Variants in RASGEF1C observed in about 807,000 individuals in gnomAD.
The protein encoded by RASGEF1C is RasGEF domain family member 1C.
Under a neutral mutation model 58.1 loss-of-function variants are expected in RASGEF1C, and 27 were observed. That is an observed-to-expected ratio of 0.46 (90% CI 0.34 to 0.64). RASGEF1C has a LOEUF of 0.64. RASGEF1C is among the 30% of genes least tolerant of loss of function. The pLI, the probability that RASGEF1C is intolerant of heterozygous loss-of-function variation, is 0.01. For synonymous variants in RASGEF1C, 243 were observed against 246.3 expected, an observed-to-expected ratio of 0.99 and a Z score of 0.13; for missense variants, 502 against 605.1, an observed-to-expected ratio of 0.83 and a Z score of 1.79.
intron 1 of RASGEF1C, among the ~76,000 whole-genome samples, chr5:180,139,409 TCTG>T (rs372872088): frequency 3.9e-4 from 59 of 152,270 alleles, no homozygotes; most frequent in African/African-American, 1.3e-3. Context: ...TTTGCAGCAC[TCTG>T]AGTGACCCTG....
chr5:180,128,977 C>T (rs1182994077), intron 4 of RASGEF1C, among the ~76,000 whole-genome samples: 1 of 152,232 alleles, frequency 6.6e-6, no homozygotes, highest in African/African-American at 2.4e-5. Context: ...AGGCGGGAGA[C>T]ATGGCATGGG....
rs753788352 is a variant in RASGEF1C, at chr5:180,177,117, G to A, written c.-7+31911C>T. Reference sequence around the variant, plus strand: ...GCATGGAGGAGGACCAGGGTGAGAGGTGAGACTCTCAGAGCCTGACGGAGG... The same window carrying A: ...GCATGGAGGAGGACCAGGGTGAGAGATGAGACTCTCAGAGCCTGACGGAGG... On this transcript the variant is annotated intron_variant, in intron 1 of 13. Coordinates refer to ENST00000361132, the MANE Select transcript of RASGEF1C (RefSeq NM_175062.4). This position sits in a 1 kb window ranked among gnomAD's most constrained non-coding sequence, Gnocchi z 5.0. 2.6e-5 allele frequency among the ~76,000 whole-genome samples: 4 copies of A among 152,178 alleles called. No homozygotes were observed. Among genetic ancestry groups the A allele is most frequent in the African/African-American group, 4.8e-5 (2 of 41,458 alleles).
intron 1 of RASGEF1C, among the ~76,000 whole-genome samples, chr5:180,139,767 C>T (rs1367990468): frequency 6.6e-6 from 1 of 152,202 alleles, no homozygotes; most frequent in African/African-American, 2.4e-5. Flanking sequence ...GGGACAGCTG[C>T]GGGATGGGCC....
At chr5:180,204,677 C>T (rs1756459752) in intron 1 of RASGEF1C, among the ~76,000 whole-genome samples, 1 of 151,378 alleles carries the variant, frequency 6.6e-6, no homozygotes, top group African/African-American at 2.4e-5. Flanking sequence ...CTATCTCTTC[C>T]CATCCTAAAG....
intron 1 of RASGEF1C, among the ~76,000 whole-genome samples, chr5:180,203,560 G>A (rs1756436128): frequency 6.6e-6 from 1 of 152,202 alleles, no homozygotes; most frequent in Non-Finnish European, 1.5e-5. Context: ...ACCTAGTGCT[G>A]GCCACCAGCA....
intron 1 of RASGEF1C, among the ~76,000 whole-genome samples, chr5:180,179,027 G>A (rs1009686059): frequency 1.3e-5 from 2 of 152,100 alleles, no homozygotes; most frequent in African/African-American, 2.4e-5. Flanking sequence ...GGGAGGAGGC[G>A]GGTTTATGAC....
At chr5:180,204,008 A>AAACAAAC (rs1554116623) in intron 1 of RASGEF1C, among the ~76,000 whole-genome samples, 2 of 140,840 alleles carry the variant, frequency 1.4e-5, no homozygotes, top group African/African-American at 5.1e-5. Context: ...ACAAACAAAC[A>AAACAAAC]AACAACAACA....
At chr5:180,132,314 C>G (rs116268371) in intron 4 of RASGEF1C, among the ~76,000 whole-genome samples, 1 of 152,230 alleles carries the variant, frequency 6.6e-6, no homozygotes, top group Non-Finnish European at 1.5e-5. Context: ...GGTGTGAATG[C>G]GGAGTCGTCC....
At chr5:180,124,642 T>C (rs1403902338) in intron 6 of RASGEF1C, among the ~76,000 whole-genome samples, 1 of 150,962 alleles carries the variant, frequency 6.6e-6, no homozygotes, top group Non-Finnish European at 1.5e-5. Flanking sequence ...CTGACCAACA[T>C]GGTGAAATCC....
At chr5:180,202,539 C>CA (rs1011257317) in intron 1 of RASGEF1C, among the ~76,000 whole-genome samples, 30 of 152,130 alleles carry the variant, frequency 2.0e-4, no homozygotes, top group Non-Finnish European at 8.8e-5. Context: ...ATGTTTATAT[C>CA]AGACATCTTG....
At chr5:180,111,317 T>A in intron 12 of RASGEF1C, 140 bp downstream of exon 12, 1 of 1,131,614 alleles carries the variant, frequency 8.8e-7, no homozygotes, top group Non-Finnish European at 1.3e-6. Context: ...GATGGAGCCC[T>A]CCTTGTTCCC....
chr5:180,198,967 G>A lies in RASGEF1C; in HGVS notation c.-7+10061C>T, dbSNP rs1025804709. On this transcript the variant is annotated intron_variant, in intron 1 of 13. Coordinates refer to ENST00000361132, the MANE Select transcript of RASGEF1C (RefSeq NM_175062.4). The surrounding 1 kb of genome is among the most constrained non-coding windows in gnomAD (Gnocchi z 4.5). ...AAGCCCCCAGGAAGGACTCCCAGAG[G>A]GTAGAAGGGAAACTGAGGCAGGAGC... Among the ~76,000 whole-genome samples the A allele has an allele frequency of 6.6e-6, 1 of 152,048 alleles. No homozygotes were observed. The highest frequency in any genetic ancestry group is 2.4e-5 in the African/African-American group (1 of 41,398).
At chr5:180,200,000 G>A (rs1440224003) in intron 1 of RASGEF1C, among the ~76,000 whole-genome samples, 1 of 152,114 alleles carries the variant, frequency 6.6e-6, no homozygotes, top group Non-Finnish European at 1.5e-5. Flanking sequence ...GGTGGCTCAC[G>A]CCTGTAATCT....
At chr5:180,111,338 A>G in intron 12 of RASGEF1C, 119 bp downstream of exon 12, 1 of 1,360,424 alleles carries the variant, frequency 7.4e-7, no homozygotes, top group Non-Finnish European at 1.0e-6. Flanking sequence ...TCCCGGAGCC[A>G]GCCCAGGTGG....
intron 5 of RASGEF1C, 121 bp downstream of exon 5, chr5:180,128,289 G>A (rs1452823249): frequency 3.2e-6 from 3 of 942,022 alleles, no homozygotes; most frequent in Non-Finnish European, 5.1e-6. Flanking sequence ...GCATGCTCGA[G>A]GCTAGGCCAG....
At chr5:180,103,411 C>T (rs952324648) in intron 12 of RASGEF1C, among the ~76,000 whole-genome samples, 9 of 152,194 alleles carry the variant, frequency 5.9e-5, no homozygotes, top group African/African-American at 1.7e-4. Flanking sequence ...ACGTCCTGTG[C>T]GTGTTCTGTT....
At chr5:180,148,655 A>C (rs1180278379) in intron 1 of RASGEF1C, among the ~76,000 whole-genome samples, 4 of 152,184 alleles carry the variant, frequency 2.6e-5, no homozygotes, top group Non-Finnish European at 5.9e-5. Flanking sequence ...TGATGTCACA[A>C]AATTACATTT....
At position 180,127,665 on chromosome 5, in the gene RASGEF1C, C is replaced by T. The variant is rs1259501131; in HGVS notation, c.658G>A (p.Gly220Arg). The T allele has an allele frequency of 3.1e-6, 5 of 1,612,982 alleles. No individual in the cohort carries two copies. Among genetic ancestry groups the T allele is most frequent in the East Asian group, 2.2e-5 (1 of 44,760 alleles). Reference sequence around the variant, plus strand: ...AAGGCCTGGACAAACTCCTCAGGCCCGATGTGCCGCAGCCGCTCCTGCAGG... The same window carrying T: ...AAGGCCTGGACAAACTCCTCAGGCCTGATGTGCCGCAGCCGCTCCTGCAGG... Reference protein sequence around the residue: ...HVELERLRHIGPEEFVQAFVN... With the variant: ...HVELERLRHIRPEEFVQAFVN... The change falls in exon 6 of 14, where the codon GGG (glycine) becomes AGG (arginine). Residue 220 changes from glycine (G) to arginine (R), a missense_variant. Physicochemically the swap from Gly to Arg is moderately radical, Grantham distance 125 (BLOSUM62 -2). Coordinates refer to ENST00000361132, the MANE Select transcript of RASGEF1C (RefSeq NM_175062.4).
chr5:180,101,415 T>C lies in RASGEF1C; in HGVS notation c.*86A>G. 6.6e-7 allele frequency: 1 copy of C among 1,523,606 alleles called. No individual in the cohort carries two copies. Among genetic ancestry groups the C allele is most frequent in the South Asian group, 1.1e-5 (1 of 88,582 alleles). The allele number at this position is 1,523,606 out of a possible 1,614,324, so 94.4% of individuals were successfully genotyped here. The stretch of plus-strand genomic sequence containing the variant: ...ATTTGCAAAATAGTGAGGCACTCCC[T>C]GGCCTCTGCCCACTGGGCCACTGAG... On this transcript the variant is annotated 3_prime_UTR_variant, in exon 14 of 14. Transcript: ENST00000361132.
Sources: gnomAD v4.1 joint callset for allele counts (sites outside exome capture counted in the v4.1 genomes callset) on GRCh38, gnomAD v4.1.1 for gene constraint, Gnocchi (gnomAD v3.1) non-coding constraint, MANE v1.5 for transcripts, NCBI Gene and HGNC (gene_info 2026-07-23, HGNC 2026-07-21) for gene names.